Variants in PADI4 observed in about 807,000 individuals in gnomAD.
The protein encoded by PADI4 is peptidyl arginine deiminase 4.
In PADI4, 62 loss-of-function variants were observed where a neutral mutation model predicts 75.0. That is an observed-to-expected ratio of 0.83 (90% CI 0.67 to 1.02). The LOEUF (loss-of-function observed/expected upper bound fraction) is 1.02, where lower values mean the gene tolerates loss of function less well. Among genes scored for constraint, PADI4 ranks in the 50% least tolerant of loss-of-function variants. The probability of loss-of-function intolerance (pLI) is 0.00; values close to 1 mark genes in which losing one functional copy is unlikely to be tolerated. For missense variants in PADI4, 845 were observed against 850.5 expected, an observed-to-expected ratio of 0.99 and a Z score of 0.08; for synonymous variants, 361 against 348.1, an observed-to-expected ratio of 1.04 and a Z score of -0.41.
At chr1:17,362,089 C>T (rs139059638) in intron 15 of PADI4, among the ~76,000 whole-genome samples, 6 of 152,086 alleles carry the variant, frequency 3.9e-5, no homozygotes, top group Admixed American at 2.0e-4. Context: ...TCAGAAAGAA[C>T]GAAATCAGCC....
Position 17,342,304 on chromosome 1 carries a change from C to A in PADI4, c.837C>A (p.Leu279=). ...ISLLDTSNLE[L]PEAVVFQDSV... ...CCTTACCCCCTCCCCTGCAGGAGCTCCCCGAGGCTGTGGTGTTCCAAGACA... is the reference window on the plus strand; with the variant it reads ...CCTTACCCCCTCCCCTGCAGGAGCTACCCGAGGCTGTGGTGTTCCAAGACA... The change falls in exon 8 of 16, where the codon CTC becomes CTA. Residue 279 remains leucine (L), a synonymous_variant. Coordinates refer to ENST00000375448, the MANE Select transcript of PADI4 (RefSeq NM_012387.3). The A allele has an allele frequency of 6.2e-7, 1 of 1,611,106 alleles. No homozygotes were observed. The highest frequency in any genetic ancestry group is 1.3e-5 in the African/African-American group (1 of 74,920).
At chr1:17,354,754 A>T in intron 11 of PADI4, 67 bp downstream of exon 11, 1 of 1,441,800 alleles carries the variant, frequency 6.9e-7, no homozygotes, top group South Asian at 1.4e-5. Context: ...CAGAGGCCAG[A>T]GTGGAAGCCT....
rs539760723 is a variant in PADI4, at chr1:17,344,682, C to G, written c.936-1346C>G. 2.6e-5 allele frequency among the ~76,000 whole-genome samples: 4 copies of G among 152,330 alleles called. No individual in the cohort carries two copies. The South Asian group carries it at 8.3e-4, about 32-fold the overall frequency. ...GCTGTGGCTTCAGAGGGTGGAAGCC[C>G]CAAGCCTTGGCAGCTTCCACATGGT... On this transcript the variant is annotated intron_variant, in intron 8 of 15. Transcript: ENST00000375448.
intron 10 of PADI4, among the ~76,000 whole-genome samples, chr1:17,351,477 G>A (rs1217084210): frequency 6.6e-6 from 1 of 151,672 alleles, no homozygotes; most frequent in East Asian, 1.9e-4. Context: ...AGGCATGGTG[G>A]TGCATGCCTA....
intron 15 of PADI4, among the ~76,000 whole-genome samples, chr1:17,361,629 C>A (rs150468105): frequency 6.6e-6 from 1 of 152,156 alleles, no homozygotes; most frequent in African/African-American, 2.4e-5. Context: ...GTCATTGCAA[C>A]GGAGATATGT....
intron 1 of PADI4, among the ~76,000 whole-genome samples, chr1:17,326,904 C>CTTTTT (rs140721491): frequency 2.3e-5 from 3 of 132,158 alleles, no homozygotes; most frequent in Admixed American, 7.9e-5. Context: ...GCCTTATATG[C>CTTTTT]TTTTTTTTTT....
At chr1:17,345,214 T>C (rs2100751108) in intron 8 of PADI4, among the ~76,000 whole-genome samples, 1 of 152,320 alleles carries the variant, frequency 6.6e-6, no homozygotes, top group East Asian at 1.9e-4. Flanking sequence ...ACCCCCTTGT[T>C]TTGGCCAATT....
At chr1:17,337,614 A>G (rs888391900) in intron 4 of PADI4, among the ~76,000 whole-genome samples, 2 of 152,080 alleles carry the variant, frequency 1.3e-5, no homozygotes, top group South Asian at 4.2e-4. Context: ...TGTAAACTGC[A>G]CTGGGTTAAA....
chr1:17,309,621 C>A (rs1400825154), intron 1 of PADI4, among the ~76,000 whole-genome samples: 1 of 152,226 alleles, frequency 6.6e-6, no homozygotes, highest in African/African-American at 2.4e-5. Context: ...TTGCCCCTGG[C>A]TTCCCCATCC....
At position 17,359,330 on chromosome 1, in the gene PADI4, C is replaced by G. The variant is rs780037114; in HGVS notation, c.1680C>G (p.Ala560=). Residue 560 remains alanine (A), a synonymous_variant, in exon 15 of 16, where the codon GCC becomes GCG. Transcript: ENST00000375448. ...RELLKRELGL[A]ESDIIDIPQL... ...TGCTGAAGCGGGAGCTGGGCCTGGCCGAGAGTGACATCATTGACATCCCGC... is the reference window on the plus strand; with the variant it reads ...TGCTGAAGCGGGAGCTGGGCCTGGCGGAGAGTGACATCATTGACATCCCGC... The G allele has an allele frequency of 1.9e-6, 3 of 1,613,722 alleles. No individual in the cohort carries two copies. Among genetic ancestry groups the G allele is most frequent in the East Asian group, 2.2e-5 (1 of 44,874 alleles).
In PADI4 at chr1:17,342,118, C is replaced by A. The variant is rs1190050157; in HGVS notation, c.828C>A (p.Asn276Lys). 12 of 1,613,584 alleles carry A rather than the reference C, an allele frequency of 7.4e-6. No individual in the cohort carries two copies. The highest frequency in any genetic ancestry group is 1.7e-4 in the Middle Eastern group (1 of 5,838). Residue 276 changes from asparagine (N) to lysine (K), a missense_variant, in exon 7 of 16, where the codon AAC becomes AAA. By Grantham distance (94) the Asn-to-Lys change is moderately conservative. Transcript: ENST00000375448. ...CCATCTCCCTGCTGGACACGTCCAA[C>A]CTGGTAGGCCGAGAAGGCAGCCCTG... ...TLTISLLDTS[N>K]LELPEAVVFQ...
rs34965359 is a variant in PADI4 at position 17,334,307 on chromosome 1, A to ATTTT, written c.340+308_340+311dup. On this transcript the variant is annotated intron_variant, in intron 3 of 15. Transcript: ENST00000375448. Reference sequence around the variant, plus strand: ...ATTTTCAATATATGCATCTCCATTAATTTTTTTTTTTTTGAGATGGAGTCT... The same window carrying ATTTT: ...ATTTTCAATATATGCATCTCCATTAATTTTTTTTTTTTTTTTTGAGATGGAGTCT... 1.1e-3 allele frequency: 390 copies of ATTTT among 342,574 alleles called. 1 individual carries two copies. Among genetic ancestry groups the ATTTT allele is most frequent in the South Asian group, 1.9e-3 (78 of 40,834 alleles). The allele number at this position is 342,574 out of a possible 1,614,324, so 21.2% of individuals were successfully genotyped here. A position where few individuals can be genotyped will look rare whatever the true frequency, so the allele number is the denominator to read the frequency against.
At chr1:17,310,132 C>T (rs539082406) in intron 1 of PADI4, among the ~76,000 whole-genome samples, 6 of 152,340 alleles carry the variant, frequency 3.9e-5, no homozygotes, top group Admixed American at 1.3e-4. Flanking sequence ...GAACATCTCA[C>T]GTAACAATGG....
At position 17,310,154 on chromosome 1, in the gene PADI4, A is replaced by C. The variant is rs187292184; in HGVS notation, c.92+1840A>C. On this transcript the variant is annotated intron_variant, in intron 1 of 15. Transcript: ENST00000375448. Reference sequence around the variant, plus strand: ...TCACGTAACAATGGCTAATATTTACATCACACTTCCTACATTCAACTCATT... The same window carrying C: ...TCACGTAACAATGGCTAATATTTACCTCACACTTCCTACATTCAACTCATT... Among the ~76,000 whole-genome samples the C allele has an allele frequency of 2.3e-3, 352 of 152,300 alleles. 8 individuals are homozygous for C. The highest frequency in any genetic ancestry group is 9.6e-4 in the East Asian group (5 of 5,194).
intron 10 of PADI4, among the ~76,000 whole-genome samples, chr1:17,351,096 G>A (rs61763729): frequency 1.2e-5 from 1 of 82,690 alleles, no homozygotes; most frequent in African/African-American, 3.0e-5. Flanking sequence ...TACTAGAGAG[G>A]CTGAGGTGGG....
intron 1 of PADI4, among the ~76,000 whole-genome samples, chr1:17,322,123 G>C (rs922205605): frequency 1.3e-5 from 2 of 152,202 alleles, no homozygotes; most frequent in Admixed American, 6.5e-5. Context: ...GGAGCAGAGG[G>C]ATGACTTTGA....
chr1:17,342,410 G>A lies in PADI4; in HGVS notation c.935+8G>A. ...GGAGGTGTACGCGTGCAGGTGAGAGGTCCTGGGGTGCTGGGGTGGGTCCAG... is the reference window on the plus strand; with the variant it reads ...GGAGGTGTACGCGTGCAGGTGAGAGATCCTGGGGTGCTGGGGTGGGTCCAG... On this transcript the variant is annotated splice_region_variant and intron_variant, in intron 8 of 15. Transcript: ENST00000375448. 6.4e-7 allele frequency: 1 copy of A among 1,566,492 alleles called. No homozygotes were observed. Among genetic ancestry groups the A allele is most frequent in the Non-Finnish European group, 8.8e-7 (1 of 1,137,310 alleles).
At chr1:17,339,435 C>T (rs758523837) in intron 5 of PADI4, among the ~76,000 whole-genome samples, 6 of 152,160 alleles carry the variant, frequency 3.9e-5, no homozygotes, top group African/African-American at 7.2e-5. Context: ...ATGTGGTCCC[C>T]GCTTTGCTGA....
At position 17,364,004 on chromosome 1, in the gene PADI4, A is replaced by T; in HGVS notation, c.*249A>T. On this transcript the variant is annotated 3_prime_UTR_variant, in exon 16 of 16. Transcript: ENST00000375448. Reference sequence around the variant, plus strand: ...GTTTTTTTAAGTCACTTTGTACATGAGGTCAAGATGTTGTTGGTATCATTC... The same window carrying T: ...GTTTTTTTAAGTCACTTTGTACATGTGGTCAAGATGTTGTTGGTATCATTC... The T allele has an allele frequency of 2.7e-6, 1 of 366,042 alleles. No homozygotes were observed. The highest frequency in any genetic ancestry group is 5.0e-6 in the Non-Finnish European group (1 of 198,900). 22.7% of individuals were successfully genotyped at this position (366,042 alleles called of 1,614,324 possible).
Sources: allele counts gnomAD v4.1 joint callset (sites outside exome capture counted in the v4.1 genomes callset), GRCh38; gene constraint gnomAD v4.1.1; transcripts MANE v1.5; gene names NCBI Gene and HGNC (gene_info 2026-07-23, HGNC 2026-07-21).